Variants in CDH18 observed in about 807,000 individuals in gnomAD.
CDH18 encodes the protein cadherin 18.
A neutral mutation model predicts 67.9 loss-of-function variants in CDH18; 31 were observed. The observed-to-expected ratio is 0.46, with a 90% confidence interval of 0.34 to 0.62. The LOEUF is 0.62. Among genes scored for constraint, CDH18 ranks in the 20% least tolerant of loss-of-function variants. CDH18 has a pLI of 0.01. For missense variants in CDH18, 890 were observed against 975.5 expected (o/e 0.91, Z 1.17); for synonymous variants, 362 against 347.2 (o/e 1.04, Z -0.48).
chr5:20,372,034 C>G (rs1743045315), intron 1 of CDH18, among the ~76,000 whole-genome samples: 1 of 152,146 alleles, frequency 6.6e-6, no homozygotes, highest in South Asian at 2.1e-4. Context: ...TTGATAACTT[C>G]CTTGCATTGG....
chr5:20,530,696 G>A (rs1410037616), intron 1 of CDH18, among the ~76,000 whole-genome samples: 1 of 152,086 alleles, frequency 6.6e-6, no homozygotes, highest in African/African-American at 2.4e-5. Context: ...GCAGAAAATT[G>A]AAACTGTTCC....
In CDH18 at chr5:20,332,125, T is replaced by C. The variant is rs1739243294; in HGVS notation, c.-579-76620A>G. Among the ~76,000 whole-genome samples, 2 of 151,918 alleles carry C rather than the reference T, an allele frequency of 1.3e-5. 1 individual carries two copies. Among genetic ancestry groups the C allele is most frequent in the South Asian group, 4.1e-4 (2 of 4,824 alleles). On this transcript the variant is annotated intron_variant, in intron 1 of 14. Coordinates refer to the CDH18 transcript ENST00000507958. Reference sequence around the variant, plus strand: ...CTTCTAAACACAATTAGTTGATGTCTATAAAAAAAATTTGAACTCGATCAT... The same window carrying C: ...CTTCTAAACACAATTAGTTGATGTCCATAAAAAAAATTTGAACTCGATCAT...
At chr5:20,519,924 A>T (rs1483022852) in intron 1 of CDH18, among the ~76,000 whole-genome samples, 1 of 125,574 alleles carries the variant, frequency 8.0e-6, no homozygotes, top group Non-Finnish European at 1.6e-5. Flanking sequence ...CCCAGGCTGG[A>T]GTACAACACA....
chr5:20,459,739 A>G (rs1378730274), intron 1 of CDH18, among the ~76,000 whole-genome samples: 1 of 152,164 alleles, frequency 6.6e-6, no homozygotes, highest in Admixed American at 6.5e-5. Flanking sequence ...TCTGGAGTGC[A>G]GCCCTGCTCT....
intron 1 of CDH18, among the ~76,000 whole-genome samples, chr5:20,485,106 C>T (rs1164679947): frequency 6.6e-6 from 1 of 152,030 alleles, no homozygotes; most frequent in Non-Finnish European, 1.5e-5. Context: ...ATAAGTGGAG[C>T]AGTTAGAAGA....
intron 2 of CDH18, among the ~76,000 whole-genome samples, chr5:20,191,229 T>C (rs1435365111): frequency 6.6e-6 from 1 of 152,166 alleles, no homozygotes; most frequent in Non-Finnish European, 1.5e-5. Context: ...ATATTCCCCT[T>C]AAATAATTGC....
At chr5:20,172,427 T>C (rs1184832688) in intron 2 of CDH18, among the ~76,000 whole-genome samples, 1 of 151,368 alleles carries the variant, frequency 6.6e-6, no homozygotes, top group Non-Finnish European at 1.5e-5. Context: ...AAAATTATTG[T>C]GGCTTCCACA....
intron 2 of CDH18, among the ~76,000 whole-genome samples, chr5:20,244,103 T>C (rs931439621): frequency 1.3e-5 from 2 of 152,168 alleles, no homozygotes; most frequent in Non-Finnish European, 2.9e-5. Context: ...CCAAATATTA[T>C]GATTTTAACA....
intron 2 of CDH18, among the ~76,000 whole-genome samples, chr5:20,160,418 C>A (rs554318593): frequency 6.6e-6 from 1 of 152,280 alleles, no homozygotes; most frequent in South Asian, 2.1e-4. Context: ...GTTCATTAAA[C>A]CCAACCAAAA....
intron 1 of CDH18, among the ~76,000 whole-genome samples, chr5:20,489,966 A>G (rs1246148892): frequency 1.3e-5 from 2 of 151,698 alleles, no homozygotes; most frequent in African/African-American, 4.8e-5. Flanking sequence ...ATTTACATAT[A>G]CAAACTAGAA....
intron 2 of CDH18, among the ~76,000 whole-genome samples, chr5:20,106,694 T>G (rs1746968652): frequency 6.6e-6 from 1 of 152,246 alleles, no homozygotes; most frequent in Non-Finnish European, 1.5e-5. Flanking sequence ...TGTTTTAATG[T>G]AGATTTTATC....
intron 1 of CDH18, among the ~76,000 whole-genome samples, chr5:20,442,904 C>T (rs1000012778): frequency 6.6e-6 from 1 of 151,882 alleles, no homozygotes; most frequent in African/African-American, 2.4e-5. Flanking sequence ...TACTACTTCA[C>T]AAGTTAATAC....
intron 11 of CDH18, among the ~76,000 whole-genome samples, chr5:19,490,392 C>CTTTTTTTTTT (rs1561183202): frequency 5.0e-5 from 2 of 40,302 alleles, no homozygotes; most frequent in African/African-American, 2.1e-4. Flanking sequence ...ATATAAAAAT[C>CTTTTTTTTTT]TGTTTTTTTT....
intron 2 of CDH18, among the ~76,000 whole-genome samples, chr5:20,098,763 A>C (rs1746203060): frequency 6.6e-6 from 1 of 152,112 alleles, no homozygotes; most frequent in South Asian, 2.1e-4. Flanking sequence ...TTTAATGTTA[A>C]AGATTATTTT....
Position 20,509,699 on chromosome 5 carries a change from A to G in CDH18, c.-580+65763T>C, listed in dbSNP as rs562297827. ...CTCCTAAAGTGCTGGGATTACAGGC[A>G]TGAGCCATCATGCCCAGCCGATTTT... On this transcript the variant is annotated intron_variant, in intron 1 of 14. Coordinates refer to the CDH18 transcript ENST00000507958. Among the ~76,000 whole-genome samples the G allele has an allele frequency of 9.9e-4, 55 of 55,774 alleles. 1 individual carries two copies. The South Asian group carries it at 0.012, about 13-fold the overall frequency. The allele number at this position is 55,774 out of a possible 152,430, so 36.6% of individuals were successfully genotyped here.
At chr5:19,874,874 T>C (rs1438808357) in intron 2 of CDH18, among the ~76,000 whole-genome samples, 1 of 152,152 alleles carries the variant, frequency 6.6e-6, no homozygotes, top group Admixed American at 6.6e-5. Flanking sequence ...AGAAAAATGC[T>C]CAGGATGGAG....
intron 2 of CDH18, among the ~76,000 whole-genome samples, chr5:20,080,587 G>A (rs1010416991): frequency 3.9e-5 from 6 of 152,008 alleles, no homozygotes; most frequent in South Asian, 2.1e-4. Context: ...GAGCAGAATT[G>A]CCTGAAATGA....
chr5:19,487,985 T>C (rs748475430), intron 11 of CDH18, among the ~76,000 whole-genome samples: 1 of 152,200 alleles, frequency 6.6e-6, no homozygotes, highest in African/African-American at 2.4e-5. Context: ...TAGGTAGTTA[T>C]GCATTCAACT....
At chr5:19,597,474 C>A (rs188233397) in intron 6 of CDH18, among the ~76,000 whole-genome samples, 35 of 152,216 alleles carry the variant, frequency 2.3e-4, no homozygotes, top group African/African-American at 5.8e-4. Context: ...TCTTGTCATC[C>A]TGGGGCACTG....
Sources: allele counts gnomAD v4.1 joint callset (sites outside exome capture counted in the v4.1 genomes callset), GRCh38; gene constraint gnomAD v4.1.1; transcripts MANE v1.5; gene names NCBI Gene and HGNC (gene_info 2026-07-23, HGNC 2026-07-21).